Variants in SDHC observed in about 807,000 individuals in gnomAD.
SDHC encodes succinate dehydrogenase complex subunit C.
In SDHC, 11 loss-of-function variants were observed where a neutral mutation model predicts 22.6. The observed-to-expected ratio is 0.49, with a 90% CI of 0.31 to 0.81. The LOEUF (loss-of-function observed/expected upper bound fraction) is 0.81. Ranked by LOEUF, SDHC falls within the 30% of genes least tolerant of loss-of-function variation. The pLI is 0.05. For missense variants in SDHC, 160 were observed against 212.0 expected (o/e 0.75, Z 1.52); for synonymous variants, 80 against 77.8 (o/e 1.03, Z -0.15).
chr1:161,337,962 C>G (rs565875556), intron 3 of SDHC, among the ~76,000 whole-genome samples: 1 of 152,326 alleles, frequency 6.6e-6, no homozygotes, highest in East Asian at 1.9e-4. Flanking sequence ...GTTTCACACT[C>G]TTGTCATCAA....
chr1:161,333,782 G>C (rs1398832966), intron 3 of SDHC, among the ~76,000 whole-genome samples: 1 of 152,156 alleles, frequency 6.6e-6, no homozygotes, highest in African/African-American at 2.4e-5. Context: ...CAGTGTATAA[G>C]GGTTCTAGTT....
intron 3 of SDHC, among the ~76,000 whole-genome samples, chr1:161,333,240 A>G (rs1289583791): frequency 6.6e-6 from 1 of 152,146 alleles, no homozygotes; most frequent in African/African-American, 2.4e-5. Flanking sequence ...CCATTTATAA[A>G]TTGATGGACG....
At position 161,356,730 on chromosome 1, in the gene SDHC, T is replaced by C. The variant is rs760678574; in HGVS notation, c.295T>C (p.Tyr99His). ...GTTACTCCCTGGGAACTTTGAGTCT[T>C]ATTTGGAACTTGTGAAGTCCCTGTG... is the stretch of plus-strand genomic sequence containing the variant. ...ALLLPGNFES[Y>H]LELVKSLCLG... The change falls in exon 5 of 6, where the codon TAT (tyrosine) becomes CAT (histidine). Residue 99 changes from tyrosine to histidine, a missense_variant. Physicochemically the swap from Tyr to His is moderately conservative, Grantham distance 83. Coordinates refer to ENST00000367975, the MANE Select transcript of SDHC (RefSeq NM_003001.5). 1.7e-5 allele frequency: 27 copies of C among 1,613,902 alleles called. No homozygotes were observed. The highest frequency in any genetic ancestry group is 2.3e-5 in the Non-Finnish European group (27 of 1,179,960).
intron 3 of SDHC, among the ~76,000 whole-genome samples, chr1:161,338,590 G>A (rs1049831271): frequency 3.3e-5 from 5 of 152,194 alleles, no homozygotes; most frequent in African/African-American, 1.2e-4. Context: ...GTTTGATGAT[G>A]AAAAGTATTT....
intron 2 of SDHC, among the ~76,000 whole-genome samples, chr1:161,327,692 G>A (rs997651636): frequency 6.6e-6 from 1 of 151,922 alleles, no homozygotes; most frequent in African/African-American, 2.4e-5. Flanking sequence ...CTCCTAGGTA[G>A]GTGGGATTAC....
intron 4 of SDHC, among the ~76,000 whole-genome samples, chr1:161,344,240 A>G (rs1225430037): frequency 6.6e-6 from 1 of 152,112 alleles, no homozygotes; most frequent in Non-Finnish European, 1.5e-5. Context: ...CAGTGAGCTG[A>G]GATTGCGCCA....
chr1:161,356,258 G>A (rs1672266587), intron 4 of SDHC, among the ~76,000 whole-genome samples: 1 of 152,112 alleles, frequency 6.6e-6, no homozygotes, highest in Non-Finnish European at 1.5e-5. Flanking sequence ...CCTTTTCAAG[G>A]CCGGGTGCAG....
chr1:161,356,649 G>A lies in SDHC; in HGVS notation c.242-28G>A, dbSNP rs556601522. 1.9e-5 allele frequency: 31 copies of A among 1,612,622 alleles called. No individual in the cohort carries two copies. In the South Asian group the frequency reaches 3.3e-4, roughly 17 times the overall value. The stretch of plus-strand genomic sequence containing the variant: ...TATTAGTTGTAACTTATGAGCAGCT[G>A]TGACAAGCTACTTGGTTTTCTCCTC... On this transcript the variant is annotated intron_variant, in intron 4 of 5. Transcript: ENST00000367975.
intron 4 of SDHC, among the ~76,000 whole-genome samples, chr1:161,352,497 G>A (rs1672129433): frequency 6.6e-6 from 1 of 152,028 alleles, no homozygotes; most frequent in African/African-American, 2.4e-5. Flanking sequence ...TAGAAAAGTT[G>A]CCCATAATCC....
chr1:161,342,747 G>A (rs1482998344), intron 4 of SDHC, among the ~76,000 whole-genome samples: 2 of 151,990 alleles, frequency 1.3e-5, no homozygotes, highest in African/African-American at 4.8e-5. Flanking sequence ...TGCCCGCCTC[G>A]GCCTCCCAAA....
chr1:161,317,887 A>G (rs1330914873), intron 1 of SDHC, among the ~76,000 whole-genome samples: 5 of 151,814 alleles, frequency 3.3e-5, no homozygotes, highest in Admixed American at 3.3e-4. Flanking sequence ...AATAATAACA[A>G]TTGTGGCTGG....
Position 161,362,820 on chromosome 1 carries a change from G to A in SDHC, c.*387G>A, listed in dbSNP as rs1672580368. The A allele has an allele frequency of 5.9e-6, 3 of 508,756 alleles. No homozygotes were observed. The highest frequency in any genetic ancestry group is 6.6e-5 in the Admixed American group (2 of 30,424). The allele number at this position is 508,756 out of a possible 1,614,324, so 31.5% of individuals were successfully genotyped here. On this transcript the variant is annotated 3_prime_UTR_variant, in exon 6 of 6. Coordinates refer to ENST00000367975, the MANE Select transcript of SDHC (RefSeq NM_003001.5). ...TGCCCTGGGGATGGGCCGGGTTGGG[G>A]GGTGGGTTGGTGAGGCTTTGGGTGC... is the stretch of plus-strand genomic sequence containing the variant.
chr1:161,351,880 A>T (rs1429190142), intron 4 of SDHC, among the ~76,000 whole-genome samples: 2 of 152,160 alleles, frequency 1.3e-5, no homozygotes, highest in Non-Finnish European at 2.9e-5. Context: ...ATTTGCTGTG[A>T]CATCTGCATG....
intron 3 of SDHC, among the ~76,000 whole-genome samples, chr1:161,333,552 C>G (rs561066981): frequency 2.6e-5 from 4 of 152,040 alleles, no homozygotes; most frequent in Non-Finnish European, 5.9e-5. Flanking sequence ...TACAGGCATG[C>G]GCCACCGCGC....
chr1:161,328,160 C>T (rs1571850955), intron 2 of SDHC, among the ~76,000 whole-genome samples: 1 of 152,040 alleles, frequency 6.6e-6, no homozygotes, highest in South Asian at 2.1e-4. Flanking sequence ...CCCGCCACCA[C>T]ATCTGGCTAA....
At chr1:161,337,093 C>T (rs1671522754) in intron 3 of SDHC, among the ~76,000 whole-genome samples, 10 of 146,994 alleles carry the variant, frequency 6.8e-5, no homozygotes. Context: ...CTTGCCCAGG[C>T]TGGTCTCAAA....
At chr1:161,314,628 C>T in intron 1 of SDHC, 1 of 620,940 alleles carries the variant, frequency 1.6e-6, no homozygotes, top group Non-Finnish European at 2.9e-6. Flanking sequence ...GCTTCGGGGT[C>T]ACTGACTTCG....
intron 2 of SDHC, chr1:161,326,533 TTCTC>T (rs972874701): frequency 3.4e-4 from 47 of 137,240 alleles, no homozygotes; most frequent in Non-Finnish European, 4.7e-4. Flanking sequence ...TCTTTTTTTC[TTCTC>T]TCTTTCTCTC....
chr1:161,329,541 A>G (rs778044909), intron 3 of SDHC, among the ~76,000 whole-genome samples: 1 of 151,648 alleles, frequency 6.6e-6, no homozygotes, highest in Admixed American at 6.6e-5. Context: ...CATGTTGTCC[A>G]GGCTGGTCTC....
Sources: gnomAD v4.1 joint callset for allele counts (sites outside exome capture counted in the v4.1 genomes callset) on GRCh38, gnomAD v4.1.1 for gene constraint, MANE v1.5 for transcripts, NCBI Gene and HGNC (gene_info 2026-07-23, HGNC 2026-07-21) for gene names.